Variants in CYTH3 observed in about 807,000 individuals in gnomAD.
The protein encoded by CYTH3 is cytohesin-3.
CYTH3 carries 23 observed loss-of-function variants against 55.1 expected under a neutral mutation model. That is an observed-to-expected ratio of 0.42 (90% CI 0.30 to 0.59). The LOEUF (loss-of-function observed/expected upper bound fraction) is 0.59, where lower values mean the gene tolerates loss of function less well. Ranked by LOEUF, CYTH3 falls within the 20% of genes least tolerant of loss-of-function variation. The probability of loss-of-function intolerance (pLI) is 0.20; values close to 1 mark genes in which losing one functional copy is unlikely to be tolerated. For synonymous variants in CYTH3, 249 were observed against 194.9 expected, an observed-to-expected ratio of 1.28 and a Z score of -2.31; for missense variants, 413 against 524.8, an observed-to-expected ratio of 0.79 and a Z score of 2.08.
chr7:6,231,598 C>T (rs1562400799), intron 1 of CYTH3, among the ~76,000 whole-genome samples: 3 of 152,200 alleles, frequency 2.0e-5, no homozygotes, highest in African/African-American at 7.2e-5. Context: ...CCAGTGTGCC[C>T]ATGTATAAAT....
At chr7:6,202,507 G>A (rs1470601379) in intron 1 of CYTH3, among the ~76,000 whole-genome samples, 1 of 146,958 alleles carries the variant, frequency 6.8e-6, no homozygotes. Context: ...TTGTTGCCCA[G>A]GCTGGAGTGC....
chr7:6,184,768 GA>G (rs528786417), intron 4 of CYTH3, among the ~76,000 whole-genome samples: 22 of 152,180 alleles, frequency 1.4e-4, no homozygotes, highest in Non-Finnish European at 3.1e-4. Context: ...AGTAGAGATG[GA>G]GTTTCACCAT....
At chr7:6,209,973 A>C (rs1348841226) in intron 1 of CYTH3, among the ~76,000 whole-genome samples, 4 of 152,180 alleles carry the variant, frequency 2.6e-5, no homozygotes, top group African/African-American at 9.7e-5. Context: ...GACAGGGATG[A>C]ATAGCTGAGC....
At chr7:6,178,022 A>G (rs1783392281) in intron 4 of CYTH3, 81 bp from the exon 5 acceptor site, 2 of 1,075,180 alleles carry the variant, frequency 1.9e-6, no homozygotes, top group Non-Finnish European at 2.9e-6. Context: ...ACTTAGTGTC[A>G]GGATTTTACT....
rs188466804 is a variant in CYTH3, at chr7:6,193,724, G to T, written c.35-3193C>A. On this transcript the variant is annotated intron_variant, in intron 1 of 12. Transcript: ENST00000350796. ...CTCTTTGAAATGCCACTGGATGCCT[G>T]CCTCTTCTCTCCCACGCCACGGAAG... 4.0e-3 allele frequency among the ~76,000 whole-genome samples: 609 copies of T among 152,262 alleles called. 5 individuals carry two copies. Among genetic ancestry groups the T allele is most frequent in the African/African-American group, 0.014 (587 of 41,540 alleles).
chr7:6,247,748 C>G (rs191638380), intron 1 of CYTH3, among the ~76,000 whole-genome samples: 10 of 152,182 alleles, frequency 6.6e-5, no homozygotes, highest in Admixed American at 4.6e-4. Flanking sequence ...TGGGCTCAAG[C>G]GATCCTCCCA....
At chr7:6,235,519 C>G (rs1779497930) in intron 1 of CYTH3, among the ~76,000 whole-genome samples, 1 of 151,706 alleles carries the variant, frequency 6.6e-6, no homozygotes, top group Non-Finnish European at 1.5e-5. Flanking sequence ...GATCATGCAC[C>G]ACATCTCAGC....
intron 1 of CYTH3, among the ~76,000 whole-genome samples, chr7:6,211,766 G>C (rs1262008989): frequency 6.6e-6 from 1 of 152,178 alleles, no homozygotes; most frequent in African/African-American, 2.4e-5. Flanking sequence ...GGGAGGCTGA[G>C]GCGGGTGGAC....
chr7:6,238,869 T>C (rs551911577), intron 1 of CYTH3, among the ~76,000 whole-genome samples: 2 of 151,816 alleles, frequency 1.3e-5, no homozygotes, highest in East Asian at 3.9e-4. Flanking sequence ...TAAAGTCTAT[T>C]TAAAAGGGGA....
chr7:6,220,654 T>A (rs1287708706), intron 1 of CYTH3, among the ~76,000 whole-genome samples: 1 of 148,290 alleles, frequency 6.7e-6, no homozygotes, highest in East Asian at 2.0e-4. Flanking sequence ...GGTGGGAACA[T>A]AAAATGTTAT....
intron 1 of CYTH3, among the ~76,000 whole-genome samples, chr7:6,247,705 A>G (rs1273295491): frequency 6.6e-6 from 1 of 152,064 alleles, no homozygotes; most frequent in Non-Finnish European, 1.5e-5. Context: ...GTGCAGTGCT[A>G]CAATCACAGC....
intron 1 of CYTH3, among the ~76,000 whole-genome samples, chr7:6,252,045 T>C (rs1303009845): frequency 5.9e-5 from 9 of 152,254 alleles, no homozygotes; most frequent in Admixed American, 4.6e-4. Flanking sequence ...GATATGGACC[T>C]GGTCCTGTTA....
intron 1 of CYTH3, among the ~76,000 whole-genome samples, chr7:6,244,965 T>G (rs1180165522): frequency 1.1e-5 from 1 of 94,306 alleles, no homozygotes; most frequent in Non-Finnish European, 2.2e-5. Context: ...ATTTTTTTTT[T>G]TTTTTTTTTT....
At chr7:6,205,829 G>A (rs775121820) in intron 1 of CYTH3, among the ~76,000 whole-genome samples, 64 of 139,296 alleles carry the variant, frequency 4.6e-4, no homozygotes, top group African/African-American at 1.3e-3. Flanking sequence ...AGCTATGATC[G>A]GGCCACTGCA....
intron 1 of CYTH3, among the ~76,000 whole-genome samples, chr7:6,229,249 T>A (rs1417453699): frequency 6.6e-6 from 1 of 152,228 alleles, no homozygotes; most frequent in Non-Finnish European, 1.5e-5. Context: ...AATTAACACC[T>A]AATTTTACAT....
intron 4 of CYTH3, among the ~76,000 whole-genome samples, chr7:6,178,391 A>G (rs908496997): frequency 2.0e-5 from 3 of 152,166 alleles, no homozygotes; most frequent in Non-Finnish European, 4.4e-5. Flanking sequence ...CACCCCCTTC[A>G]CTAGAGAGGG....
intron 9 of CYTH3, among the ~76,000 whole-genome samples, chr7:6,168,928 G>A (rs1447463326): frequency 3.3e-5 from 5 of 152,110 alleles, no homozygotes; most frequent in African/African-American, 1.2e-4. Context: ...CACTTATCCC[G>A]GCCCCAGAGT....
At position 6,169,071 on chromosome 7, in the gene CYTH3, A is replaced by G. The variant is rs1275959354; in HGVS notation, c.823+1464T>C. Among the ~76,000 whole-genome samples, 1 of 152,156 alleles carries G rather than the reference A, an allele frequency of 6.6e-6. No individual in the cohort carries two copies. The highest frequency in any genetic ancestry group is 2.4e-5 in the African/African-American group (1 of 41,438). On this transcript the variant is annotated intron_variant, in intron 9 of 12. Transcript: ENST00000350796. This position sits in a 1 kb window ranked among gnomAD's most constrained non-coding sequence, Gnocchi z 4.1. ...GTACTAGGTTTTCAGGCAAATATCT[A>G]CAACTCCCCTAAACCTCGGTACAGC...
At chr7:6,213,925 C>A (rs1784375109) in intron 1 of CYTH3, among the ~76,000 whole-genome samples, 1 of 152,098 alleles carries the variant, frequency 6.6e-6, no homozygotes, top group Non-Finnish European at 1.5e-5. Flanking sequence ...CGCATCAGAG[C>A]ACAGGAGTTA....
Sources: allele counts gnomAD v4.1 joint callset (sites outside exome capture counted in the v4.1 genomes callset), GRCh38; gene constraint gnomAD v4.1.1; non-coding constraint Gnocchi (gnomAD v3.1); transcripts MANE v1.5; gene names NCBI Gene and HGNC (gene_info 2026-07-23, HGNC 2026-07-21).